Variants in ERI1 observed in about 807,000 individuals in gnomAD.
ERI1 encodes exoribonuclease 1.
Under a neutral mutation model 39.7 loss-of-function variants are expected in ERI1, and 39 were observed. The ratio of observed to expected loss-of-function variants is 0.98; its 90% CI spans 0.76 to 1.28. ERI1 has a LOEUF of 1.28. Among genes scored for constraint, ERI1 ranks in the 50% most tolerant of loss-of-function variants. The pLI is 0.00. For missense variants in ERI1, 581 were observed against 416.9 expected, an observed-to-expected ratio of 1.39 and a Z score of -3.43; for synonymous variants, 204 against 149.6, an observed-to-expected ratio of 1.36 and a Z score of -2.65.
In ERI1 at chr8:9,067,608, T is replaced by A. The variant is rs535045450; in HGVS notation, n.299+47144T>A. ...ACCTCCAGGCTGCAGTGAGCCAAGA[T>A]CGCACCACTGCACTCCAGGCTGAGC... On this transcript the variant is annotated intron_variant and non_coding_transcript_variant, in intron 3 of 3. Coordinates refer to the ERI1 transcript ENST00000518663. Among the ~76,000 whole-genome samples the A allele has an allele frequency of 8.9e-4, 129 of 145,724 alleles. 1 individual carries two copies. The highest frequency in any genetic ancestry group is 3.2e-3 in the African/African-American group (125 of 39,254).
At chr8:9,049,885 G>A (rs1798302575) in intron 3 of ERI1, 1 of 152,288 alleles carries the variant, frequency 6.6e-6, no homozygotes, top group Admixed American at 6.5e-5. Context: ...GCAATGCCCA[G>A]AGAAGGCAAT....
intron 3 of ERI1, among the ~76,000 whole-genome samples, chr8:9,064,073 GT>G (rs1177006228): frequency 6.6e-6 from 1 of 151,816 alleles, no homozygotes; most frequent in East Asian, 1.9e-4. Flanking sequence ...GAGATAAGAG[GT>G]TGGAGTGTGG....
intron 3 of ERI1, among the ~76,000 whole-genome samples, chr8:9,069,596 C>A (rs1260564340): frequency 6.6e-6 from 1 of 152,152 alleles, no homozygotes; most frequent in Non-Finnish European, 1.5e-5. Flanking sequence ...GAAGACAATG[C>A]TTTCACTCAA....
intron 3 of ERI1, among the ~76,000 whole-genome samples, chr8:9,051,372 A>C (rs978187120): frequency 6.6e-6 from 1 of 151,882 alleles, no homozygotes. Flanking sequence ...AAGCATGACT[A>C]AGGGCTGGGC....
chr8:9,018,886 C>G (rs747486104), intron 5 of ERI1, among the ~76,000 whole-genome samples: 34 of 152,146 alleles, frequency 2.2e-4, no homozygotes, highest in Non-Finnish European at 2.9e-5. Flanking sequence ...TTTTTCAAAG[C>G]CCATCTTGTG....
chr8:9,063,579 G>C (rs1056252334), intron 3 of ERI1, among the ~76,000 whole-genome samples: 3 of 152,166 alleles, frequency 2.0e-5, no homozygotes, highest in Non-Finnish European at 2.9e-5. Context: ...ACTCAGCGAT[G>C]CTTGGGGTTG....
intron 3 of ERI1, among the ~76,000 whole-genome samples, chr8:9,049,015 C>T (rs1415646562): frequency 6.6e-6 from 1 of 151,920 alleles, no homozygotes; most frequent in African/African-American, 2.4e-5. Flanking sequence ...TAAATGCAGC[C>T]GTCCACATAA....
At chr8:9,037,836 A>G (rs1223064108), downstream of ERI1, among the ~76,000 whole-genome samples, 4 of 151,610 alleles carry the variant, frequency 2.6e-5, no homozygotes, top group African/African-American at 9.7e-5. Context: ...TGCCAGGAAA[A>G]GCAAACAAAT....
intron 3 of ERI1, among the ~76,000 whole-genome samples, chr8:9,062,518 C>A: frequency 6.8e-6 from 1 of 147,434 alleles, no homozygotes; most frequent in South Asian, 2.3e-4. Context: ...AGAAGCCTGG[C>A]TGTCAATACT....
chr8:9,095,285 T>C (rs1163047768), intron 3 of ERI1, among the ~76,000 whole-genome samples: 1 of 152,154 alleles, frequency 6.6e-6, no homozygotes, highest in East Asian at 1.9e-4. Context: ...AGATTGGGTT[T>C]GTATTAAACC....
At chr8:9,022,465 A>T (rs939931911) in intron 6 of ERI1, among the ~76,000 whole-genome samples, 50 of 152,026 alleles carry the variant, frequency 3.3e-4, no homozygotes, top group African/African-American at 9.9e-4. Context: ...CGGTAGTGCG[A>T]TCTTGGCTCA....
chr8:9,003,621 T>A (rs1815619133), intron 1 of ERI1, among the ~76,000 whole-genome samples: 1 of 152,226 alleles, frequency 6.6e-6, no homozygotes, highest in African/African-American at 2.4e-5. Flanking sequence ...CTGTACCTGT[T>A]AAGTGGAGCT....
At chr8:9,044,931 A>G (rs551645113) in intron 3 of ERI1, among the ~76,000 whole-genome samples, 1 of 152,166 alleles carries the variant, frequency 6.6e-6, no homozygotes, top group East Asian at 1.9e-4. Context: ...AGTCCTGACC[A>G]CGAAGCCCTT....
chr8:9,067,931 C>CACAG (rs980191821), intron 3 of ERI1, among the ~76,000 whole-genome samples: 2 of 151,892 alleles, frequency 1.3e-5, no homozygotes, highest in African/African-American at 4.8e-5. Context: ...AATACACACA[C>CACAG]ACACACACAC....
chr8:9,094,892 G>C (rs1389726621), intron 3 of ERI1, among the ~76,000 whole-genome samples: 1 of 152,146 alleles, frequency 6.6e-6, no homozygotes, highest in Non-Finnish European at 1.5e-5. Flanking sequence ...TAGCTAGTAT[G>C]TATATGTGTT....
intron 1 of ERI1, 21 bp downstream of exon 1, chr8:9,003,192 T>C (rs991072245): frequency 1.2e-5 from 15 of 1,230,050 alleles, no homozygotes; most frequent in Non-Finnish European, 1.5e-5. Flanking sequence ...GACCCGCGCC[T>C]GGCTGTTGGC....
At chr8:9,080,315 A>T (rs934864666) in intron 3 of ERI1, among the ~76,000 whole-genome samples, 2 of 152,292 alleles carry the variant, frequency 1.3e-5, no homozygotes, top group Admixed American at 1.3e-4. Flanking sequence ...GCCTGACTAG[A>T]TGTGCCCTGC....
chr8:9,035,950 C>T (rs1797830816), downstream of ERI1, among the ~76,000 whole-genome samples: 1 of 152,082 alleles, frequency 6.6e-6, no homozygotes, highest in Non-Finnish European at 1.5e-5. Flanking sequence ...TTTAGGGGCC[C>T]AAGACTTCAG....
chr8:9,014,897 GC>G (rs1377335279), intron 3 of ERI1, among the ~76,000 whole-genome samples: 1 of 152,118 alleles, frequency 6.6e-6, no homozygotes, highest in Non-Finnish European at 1.5e-5. Context: ...GAGAGCAGTG[GC>G]TCAATCTCGG....
Sources: gnomAD v4.1 joint callset for allele counts (sites outside exome capture counted in the v4.1 genomes callset) on GRCh38, gnomAD v4.1.1 for gene constraint, MANE v1.5 for transcripts, NCBI Gene and HGNC (gene_info 2026-07-23, HGNC 2026-07-21) for gene names.